The following IRAK2 variants were observed in gnomAD, a reference collection of about 807,000 sequenced individuals.
IRAK2 encodes interleukin-1 receptor-associated kinase-like 2.
A neutral mutation model predicts 72.0 loss-of-function variants in IRAK2; 57 were observed. The ratio of observed to expected loss-of-function variants is 0.79; its 90% CI spans 0.64 to 0.99. The LOEUF is 0.99. IRAK2 is among the 50% of genes least tolerant of loss of function. The pLI is 0.00. For missense variants in IRAK2, 790 were observed against 794.4 expected (o/e 0.99, Z 0.07); for synonymous variants, 293 against 312.7 (o/e 0.94, Z 0.67).
intron 1 of IRAK2, among the ~76,000 whole-genome samples, chr3:10,175,483 G>A (rs1344048198): frequency 6.6e-6 from 1 of 152,148 alleles, no homozygotes; most frequent in Admixed American, 6.6e-5. Flanking sequence ...GTGAGGCATG[G>A]TGGCTCACAC....
At chr3:10,216,055 G>A (rs747687641) in intron 6 of IRAK2, among the ~76,000 whole-genome samples, 4 of 152,190 alleles carry the variant, frequency 2.6e-5, no homozygotes, top group Non-Finnish European at 4.4e-5. Context: ...AGAGGAGGGC[G>A]GAGAGATAAG....
At chr3:10,222,908 T>C (rs780627431) in intron 9 of IRAK2, 77 bp downstream of exon 9, 8 of 1,297,354 alleles carry the variant, frequency 6.2e-6, no homozygotes, top group Non-Finnish European at 7.7e-6. Flanking sequence ...AATCACAGGA[T>C]ACGGTAGAGG....
intron 3 of IRAK2, among the ~76,000 whole-genome samples, chr3:10,208,772 A>G (rs1697471777): frequency 6.6e-6 from 1 of 151,984 alleles, no homozygotes; most frequent in Admixed American, 6.6e-5. Context: ...CAAAAAAAAA[A>G]AAGAAAAAAA....
intron 2 of IRAK2, among the ~76,000 whole-genome samples, chr3:10,184,799 G>T (rs569950715): frequency 1.7e-4 from 24 of 143,098 alleles, no homozygotes; most frequent in Admixed American, 9.0e-4. Context: ...GCGCGATCTC[G>T]GCTCACTGCA....
chr3:10,170,195 GTGTATCA>G lies in IRAK2; in HGVS notation c.94+5149_94+5155del, dbSNP rs201088396. Reference sequence around the variant, plus strand: ...TTCCTCCATCATCAAGGCCATGGGTGTGTATCATCACATCTGTCTCTGTGACTTCTGC... The same window carrying G: ...TTCCTCCATCATCAAGGCCATGGGTGTCACATCTGTCTCTGTGACTTCTGC... On this transcript the variant is annotated intron_variant, in intron 1 of 12. Coordinates refer to ENST00000256458, the MANE Select transcript of IRAK2 (RefSeq NM_001570.4). Among the ~76,000 whole-genome samples the G allele has an allele frequency of 8.3e-4, 127 of 152,292 alleles. No homozygotes were observed. In the East Asian group the frequency reaches 0.022, roughly 26 times the overall value.
chr3:10,242,318 C>T lies in IRAK2; in HGVS notation c.*90C>T, dbSNP rs1575996445. On this transcript the variant is annotated 3_prime_UTR_variant, in exon 13 of 13. Coordinates refer to ENST00000256458, the MANE Select transcript of IRAK2 (RefSeq NM_001570.4). ...GGTCTGAGGCAGAATCCAAGATCTG[C>T]CAGGAAACACACAACAAAACATCTG... 1 of 680,500 alleles carries T rather than the reference C, an allele frequency of 1.5e-6. No homozygotes were observed. The highest frequency in any genetic ancestry group is 2.0e-5 in the South Asian group (1 of 48,830). The allele number at this position is 680,500 out of a possible 1,614,324, so 42.2% of individuals were successfully genotyped here.
chr3:10,230,432 C>T (rs6796426), intron 10 of IRAK2, among the ~76,000 whole-genome samples: 61,175 of 151,852 alleles, frequency 0.4, 12,773 homozygotes, highest in Admixed American at 0.47. Flanking sequence ...AAGGGATCCT[C>T]CCACCTTAGC....
intron 1 of IRAK2, among the ~76,000 whole-genome samples, chr3:10,175,745 C>A (rs962872542): frequency 1.3e-5 from 2 of 151,814 alleles, no homozygotes; most frequent in African/African-American, 2.4e-5. Flanking sequence ...AAAAAATTAG[C>A]CAGGCGTGGT....
chr3:10,236,342 G>GATTTT (rs1697959231), intron 11 of IRAK2, among the ~76,000 whole-genome samples: 1 of 99,636 alleles, frequency 1.0e-5, no homozygotes, highest in African/African-American at 3.7e-5. Context: ...AGCCACTAAG[G>GATTTT]TTTTTTTTTT....
rs774978303 is a variant in IRAK2 at position 10,217,245 on chromosome 3, G to A, written c.903+197G>A. ...TTTGGCAGCACATATACCAAAATTG[G>A]AACGATACAGAGAAGATCAGCATGG... On this transcript the variant is annotated intron_variant, in intron 7 of 12. Coordinates refer to ENST00000256458, the MANE Select transcript of IRAK2 (RefSeq NM_001570.4). Among the ~76,000 whole-genome samples the A allele has an allele frequency of 5.9e-5, 9 of 152,240 alleles. No homozygotes were observed. In the South Asian group the frequency reaches 1.2e-3, roughly 21 times the overall value.
intron 2 of IRAK2, among the ~76,000 whole-genome samples, chr3:10,187,144 A>G (rs1697088933): frequency 6.6e-6 from 1 of 151,444 alleles, no homozygotes; most frequent in Non-Finnish European, 1.5e-5. Flanking sequence ...GGTGACTCCA[A>G]CTGTTATCAC....
intron 4 of IRAK2, among the ~76,000 whole-genome samples, chr3:10,212,874 C>T (rs989182021): frequency 6.6e-6 from 1 of 151,096 alleles, no homozygotes; most frequent in African/African-American, 2.4e-5. Context: ...ACCCCATTCT[C>T]CTGCCTCAGC....
At chr3:10,217,891 A>G (rs1461151989) in intron 7 of IRAK2, among the ~76,000 whole-genome samples, 1 of 152,156 alleles carries the variant, frequency 6.6e-6, no homozygotes, top group African/African-American at 2.4e-5. Context: ...GGTTTTACGT[A>G]GGTCATCACC....
chr3:10,232,164 C>T (rs1697872131), intron 10 of IRAK2, among the ~76,000 whole-genome samples: 1 of 152,150 alleles, frequency 6.6e-6, no homozygotes, highest in Non-Finnish European at 1.5e-5. Context: ...CTCTCACAAC[C>T]TCTCCCGCAA....
At chr3:10,176,798 A>C (rs1257607703) in intron 1 of IRAK2, among the ~76,000 whole-genome samples, 1 of 143,322 alleles carries the variant, frequency 7.0e-6, no homozygotes, top group African/African-American at 2.6e-5. Context: ...TTTTTTGTAG[A>C]GACAGGGTCT....
At position 10,213,536 on chromosome 3, in the gene IRAK2, A is replaced by G. The variant is rs761921867; in HGVS notation, c.776A>G (p.Gln259Arg). The part of the protein sequence containing the change: ...SIERFFQAEL[Q>R]ICLRCCHPNV... ...GAAAGATTCTTCCAGGCAGAGTTGC[A>G]GATTTGTCTTAGGTAAGCCTCCCCT... is the stretch of plus-strand genomic sequence containing the variant. The change falls in exon 6 of 13, where the codon CAG becomes CGG. Residue 259 changes from glutamine (Q) to arginine (R), a missense_variant. By Grantham distance (43) the Gln-to-Arg change is conservative (BLOSUM62 1). Transcript: ENST00000256458. The G allele has an allele frequency of 1.2e-6, 2 of 1,613,854 alleles. No individual in the cohort carries two copies. The highest frequency in any genetic ancestry group is 3.3e-5 in the Admixed American group (2 of 60,000).
chr3:10,173,032 C>A (rs933287630), intron 1 of IRAK2, among the ~76,000 whole-genome samples: 4 of 151,824 alleles, frequency 2.6e-5, no homozygotes, highest in African/African-American at 9.7e-5. Flanking sequence ...ACACTTACAG[C>A]TAATACTTAT....
intron 2 of IRAK2, among the ~76,000 whole-genome samples, chr3:10,180,752 C>T (rs1426644709): frequency 6.6e-6 from 1 of 152,114 alleles, no homozygotes. Flanking sequence ...GTACCACCCT[C>T]TGAGATAAAC....
intron 12 of IRAK2, among the ~76,000 whole-genome samples, chr3:10,239,463 C>G (rs1335539128): frequency 1.3e-5 from 2 of 152,182 alleles, no homozygotes; most frequent in Admixed American, 1.3e-4. Context: ...AATCCCAGCA[C>G]TTTGGGAGGC....
Sources: gnomAD v4.1 joint callset for allele counts (sites outside exome capture counted in the v4.1 genomes callset) on GRCh38, gnomAD v4.1.1 for gene constraint, MANE v1.5 for transcripts, NCBI Gene and HGNC (gene_info 2026-07-23, HGNC 2026-07-21) for gene names.